The following PHIP variants were observed in gnomAD, a reference collection of about 807,000 sequenced individuals.
The protein encoded by PHIP is PHIP subunit of CUL4-Ring ligase complex.
Under a neutral mutation model 236.8 loss-of-function variants are expected in PHIP, and 54 were observed. That is an observed-to-expected ratio of 0.23 (90% CI 0.18 to 0.29). The LOEUF is 0.29. Among genes scored for constraint, PHIP ranks in the 10% least tolerant of loss-of-function variants. The probability of loss-of-function intolerance (pLI) is 1.00; values close to 1 mark genes in which losing one functional copy is unlikely to be tolerated. For missense variants in PHIP, 1,370 were observed against 2,190.8 expected, an observed-to-expected ratio of 0.63 and a Z score of 7.48; for synonymous variants, 756 against 718.9, an observed-to-expected ratio of 1.05 and a Z score of -0.83.
intron 9 of PHIP, among the ~76,000 whole-genome samples, chr6:79,024,266 A>T (rs1427342212): frequency 1.3e-5 from 2 of 152,210 alleles, no homozygotes; most frequent in Non-Finnish European, 2.9e-5. Context: ...TTAAAATAAC[A>T]AAGGCATACA....
intron 35 of PHIP, among the ~76,000 whole-genome samples, chr6:78,948,492 G>A (rs1247107726): frequency 1.3e-5 from 2 of 152,026 alleles, no homozygotes; most frequent in East Asian, 3.9e-4. Flanking sequence ...GGGACAAAGA[G>A]TATTGTACCC....
At position 78,988,285 on chromosome 6, in the gene PHIP, T is replaced by G. The variant is rs1404767206; in HGVS notation, c.2384A>C (p.Asn795Thr). ...ESKKQQTNQH[N>T]YRTRSALEET... is the part of the protein sequence containing the mutation. ...TTCCAATGCAGATCTTGTACGATAA[T>G]TGTGTTGATTTGTCTGTTGCTTTTT... Residue 795 changes from asparagine to threonine, a missense_variant, in exon 21 of 40, where the codon AAT becomes ACT. Coordinates refer to ENST00000275034, the MANE Select transcript of PHIP (RefSeq NM_017934.7). 1 of 1,606,830 alleles carries G rather than the reference T, an allele frequency of 6.2e-7. No homozygotes were observed. The highest frequency in any genetic ancestry group is 1.3e-5 in the African/African-American group (1 of 74,886).
In PHIP at chr6:78,940,753, A is replaced by G. The variant is rs762132284; in HGVS notation, c.5406T>C (p.Ser1802=). The change falls in exon 40 of 40, where the codon TCT becomes TCC. Residue 1802 remains serine, a synonymous_variant. Transcript: ENST00000275034. ...FEDTSLTFGT[S]SRGRVRKLTE... is the part of the protein sequence containing the mutation. ...TCAACTTTCGGACTCGTCCTCTACT[A>G]GAAGTTCCAAAAGTTAAAGAGGTGT... 3 of 1,613,588 alleles carry G rather than the reference A, an allele frequency of 1.9e-6. No individual in the cohort carries two copies. In the South Asian group the frequency reaches 3.3e-5, roughly 18 times the overall value.
At chr6:78,998,724 C>T (rs973026306) in intron 17 of PHIP, among the ~76,000 whole-genome samples, 2 of 152,170 alleles carry the variant, frequency 1.3e-5, no homozygotes, top group Non-Finnish European at 2.9e-5. Context: ...TTCGAAGTCA[C>T]ATATCTAATA....
chr6:78,955,442 A>G (rs180845490), intron 33 of PHIP, among the ~76,000 whole-genome samples, 160 bp from the exon 34 acceptor site: 1 of 151,670 alleles, frequency 6.6e-6, no homozygotes, highest in Non-Finnish European at 1.5e-5. Context: ...CCATTAAAAA[A>G]TTTTTTTTAA....
intron 21 of PHIP, among the ~76,000 whole-genome samples, chr6:78,987,136 C>T (rs1768917384): frequency 6.6e-6 from 1 of 152,014 alleles, no homozygotes; most frequent in African/African-American, 2.4e-5. Flanking sequence ...TTTGAAGACA[C>T]TTGAAGGACT....
At position 78,936,899 on chromosome 6, in the gene PHIP, G is replaced by T. The variant is rs1038493164; in HGVS notation, c.*3794C>A. The T allele has an allele frequency of 6.6e-6, 1 of 151,696 alleles. No homozygotes were observed. Among genetic ancestry groups the T allele is most frequent in the Admixed American group, 6.6e-5 (1 of 15,232 alleles). The allele number at this position is 151,696 out of a possible 1,614,324, so 9.4% of individuals were successfully genotyped here. Reference sequence around the variant, plus strand: ...AGTTCAGATCACTTGGAAATTAGGGGAACTAAGGGAAACTGCAAGGGTAGA... The same window carrying T: ...AGTTCAGATCACTTGGAAATTAGGGTAACTAAGGGAAACTGCAAGGGTAGA... On this transcript the variant is annotated 3_prime_UTR_variant, in exon 40 of 40. Coordinates refer to ENST00000275034, the MANE Select transcript of PHIP (RefSeq NM_017934.7).
intron 27 of PHIP, among the ~76,000 whole-genome samples, chr6:78,968,797 A>G (rs745800727): frequency 1.6e-4 from 24 of 152,134 alleles, no homozygotes; most frequent in Non-Finnish European, 1.2e-4. Context: ...ATCTTCCCAC[A>G]ATCTCTAACA....
chr6:79,061,411 T>C (rs1773371029), intron 4 of PHIP, among the ~76,000 whole-genome samples: 1 of 152,154 alleles, frequency 6.6e-6, no homozygotes, highest in African/African-American at 2.4e-5. Context: ...TAGTTGTTTT[T>C]CACTTTTTCT....
chr6:78,967,863 G>A (rs576085588), intron 27 of PHIP, among the ~76,000 whole-genome samples: 4 of 152,202 alleles, frequency 2.6e-5, no homozygotes, highest in South Asian at 2.1e-4. Context: ...GGCCGGGCGC[G>A]GTGGCTCATG....
intron 19 of PHIP, among the ~76,000 whole-genome samples, chr6:78,992,742 T>C (rs1291442999): frequency 6.6e-6 from 1 of 152,208 alleles, no homozygotes; most frequent in Non-Finnish European, 1.5e-5. Flanking sequence ...ACGTGTGTTC[T>C]GACTGCTCCA....
chr6:78,941,048 T>A lies in PHIP; in HGVS notation c.5111A>T (p.Asp1704Val). The A allele has an allele frequency of 6.2e-7, 1 of 1,614,072 alleles. No individual in the cohort carries two copies. The highest frequency in any genetic ancestry group is 1.1e-5 in the South Asian group (1 of 91,082). ...FLSETNNVKE[D>V]LLQKKNRGGR... is the part of the protein sequence containing the mutation. ...TCCACGATTCTTTTTCTGTAACAAA[T>A]CTTCCTTTACATTATTAGTTTCAGA... The change falls in exon 40 of 40, where the codon GAT becomes GTT. Residue 1704 changes from aspartate to valine, a missense_variant. This residue lies in a region of PHIP where 309 missense variants were observed against 328.3 expected (regional missense o/e 0.94). Transcript: ENST00000275034.
chr6:79,043,075 T>C lies in PHIP; in HGVS notation c.440-72A>G, dbSNP rs9343863. ...TCTTACATGATCACCTTTTAAGAATTCACATACTCCAATTTGTCATGTGCA... is the reference window on the plus strand; with the variant it reads ...TCTTACATGATCACCTTTTAAGAATCCACATACTCCAATTTGTCATGTGCA... On this transcript the variant is annotated intron_variant, in intron 6 of 39. Coordinates refer to ENST00000275034, the MANE Select transcript of PHIP (RefSeq NM_017934.7). The C allele has an allele frequency of 0.5, 610,873 of 1,226,594 alleles. 154,126 individuals are homozygous for C. The highest frequency in any genetic ancestry group is 0.67 in the East Asian group (28,330 of 42,124). The allele number at this position is 1,226,594 out of a possible 1,614,324, so 76.0% of individuals were successfully genotyped here.
chr6:79,034,003 G>A (rs1040556793), intron 7 of PHIP, among the ~76,000 whole-genome samples: 1 of 152,056 alleles, frequency 6.6e-6, no homozygotes, highest in Non-Finnish European at 1.5e-5. Flanking sequence ...CATTAAGTTC[G>A]CCATAAGGGT....
Position 78,945,379 on chromosome 6 carries a change from C to G in PHIP, c.4749G>C (p.Lys1583Asn). 6.2e-7 allele frequency: 1 copy of G among 1,613,650 alleles called. No individual in the cohort carries two copies. The highest frequency in any genetic ancestry group is 8.5e-7 in the Non-Finnish European group (1 of 1,179,590). ...NSAKENMEKE[K>N]PVKRKMKSSV... ...ATGACTTCATTTTACGTTTGACTGG[C>G]TTTTCCTTTTCCATGTTTTCTTTTG... Residue 1583 changes from lysine (K) to asparagine (N), a missense_variant, in exon 39 of 40, where the codon AAG becomes AAC. Transcript: ENST00000275034.
intron 6 of PHIP, among the ~76,000 whole-genome samples, chr6:79,052,715 G>T (rs1220086024): frequency 1.3e-5 from 2 of 152,012 alleles, no homozygotes; most frequent in African/African-American, 4.8e-5. Flanking sequence ...CTTTCCCAAG[G>T]AATTAAATAC....
chr6:78,977,663 T>C (rs1201822059), intron 24 of PHIP, among the ~76,000 whole-genome samples: 9 of 152,124 alleles, frequency 5.9e-5, no homozygotes, highest in Non-Finnish European at 1.2e-4. Context: ...ATTACAAACT[T>C]TTCTGGCCAT....
chr6:79,050,123 A>AT (rs1772713164), intron 6 of PHIP, among the ~76,000 whole-genome samples: 1 of 152,016 alleles, frequency 6.6e-6, no homozygotes, highest in South Asian at 2.1e-4. Context: ...GAATCTGACG[A>AT]TTAAAAAAAA....
At chr6:79,068,408 A>T (rs1440178558) in intron 4 of PHIP, among the ~76,000 whole-genome samples, 3 of 152,212 alleles carry the variant, frequency 2.0e-5, no homozygotes, top group African/African-American at 7.2e-5. Context: ...GGTTGCAGTG[A>T]GCCAAGATCA....
Sources: gnomAD v4.1 joint callset for allele counts (sites outside exome capture counted in the v4.1 genomes callset) on GRCh38, gnomAD v4.1.1 for gene constraint, gnomAD v4.1.1 regional missense constraint, MANE v1.5 for transcripts, NCBI Gene and HGNC (gene_info 2026-07-23, HGNC 2026-07-21) for gene names.